The following USP39 variants were observed in gnomAD, a reference collection of about 807,000 sequenced individuals.
USP39 encodes the protein ubiquitin specific peptidase 39.
A neutral mutation model predicts 66.4 loss-of-function variants in USP39; 38 were observed. The ratio of observed to expected loss-of-function variants is 0.57; its 90% confidence interval spans 0.44 to 0.75. The LOEUF (loss-of-function observed/expected upper bound fraction) is 0.75, where lower values mean the gene tolerates loss of function less well. Among genes scored for constraint, USP39 ranks in the 30% least tolerant of loss-of-function variants. USP39 has a pLI of 0.00. For synonymous variants in USP39, 303 were observed against 274.6 expected, an observed-to-expected ratio of 1.10 and a Z score of -1.02; for missense variants, 608 against 714.4, an observed-to-expected ratio of 0.85 and a Z score of 1.70.
chr2:85,637,712 G>A (rs1012781023), intron 8 of USP39, among the ~76,000 whole-genome samples: 7 of 152,118 alleles, frequency 4.6e-5, no homozygotes, highest in African/African-American at 1.7e-4. Flanking sequence ...CTTTCTTTTT[G>A]TTTTTCTTAG....
rs769931462 is a variant in USP39 at position 85,616,260 on chromosome 2, G to T, written c.65G>T (p.Arg22Leu). The change falls in exon 1 of 13, where the codon CGG becomes CTG. Residue 22 changes from arginine to leucine, a missense_variant. Physicochemically the swap from Arg to Leu is moderately radical, Grantham distance 102. Coordinates refer to ENST00000323701, the MANE Select transcript of USP39 (RefSeq NM_006590.4). ...STRGKRESES[R>L]GSSGRVKRER... ...CGCGGGAAGCGAGAGTCTGAGTCGC[G>T]GGGCAGCTCCGGTCGCGTCAAGCGG... The T allele has an allele frequency of 3.3e-6, 5 of 1,514,644 alleles. No individual in the cohort carries two copies. The highest frequency in any genetic ancestry group is 1.8e-4 in the Middle Eastern group (1 of 5,526). 93.8% of individuals were successfully genotyped at this position (1,514,644 alleles called of 1,614,324 possible).
At chr2:85,643,911 C>T (rs1309679328) in intron 10 of USP39, among the ~76,000 whole-genome samples, 2 of 152,078 alleles carry the variant, frequency 1.3e-5, no homozygotes, top group Non-Finnish European at 2.9e-5. Flanking sequence ...CCTCGGCCTC[C>T]CAAAGTGTTG....
At chr2:85,648,707 T>A in intron 12 of USP39, 54 bp from the exon 13 acceptor site, 1 of 1,590,612 alleles carries the variant, frequency 6.3e-7, no homozygotes, top group Non-Finnish European at 8.6e-7. Flanking sequence ...ATTTGATAAG[T>A]GTCTGTTGAC....
intron 6 of USP39, among the ~76,000 whole-genome samples, chr2:85,631,795 C>G (rs552402238): frequency 6.6e-6 from 1 of 152,086 alleles, no homozygotes; most frequent in Non-Finnish European, 1.5e-5. Flanking sequence ...ATTGCCCAGG[C>G]TGGAGTGCAG....
chr2:85,610,086 C>T (rs1673413447), upstream of USP39: 1 of 148,640 alleles, frequency 6.7e-6, no homozygotes. Context: ...TAAATCTCGG[C>T]TCACCGCAAC....
chr2:85,626,077 C>T (rs566021596), intron 5 of USP39, among the ~76,000 whole-genome samples: 33 of 147,754 alleles, frequency 2.2e-4, no homozygotes, highest in South Asian at 1.1e-3. Flanking sequence ...TTACTGCCTT[C>T]GGCCAGGCGC....
intron 4 of USP39, among the ~76,000 whole-genome samples, chr2:85,624,921 C>A (rs1674730721): frequency 6.6e-6 from 1 of 151,172 alleles, no homozygotes; most frequent in Non-Finnish European, 1.5e-5. Flanking sequence ...CAAGATCATG[C>A]CATGGCACTC....
At position 85,623,756 on chromosome 2, in the gene USP39, A is replaced by G. The variant is rs1259192513; in HGVS notation, c.544A>G (p.Ile182Val). 5 of 1,612,972 alleles carry G rather than the reference A, an allele frequency of 3.1e-6. No individual in the cohort carries two copies. The highest frequency in any genetic ancestry group is 1.7e-5 in the Admixed American group (1 of 59,822). The change falls in exon 4 of 13, where the codon ATC becomes GTC. Residue 182 changes from isoleucine (I) to valine (V), a missense_variant. By Grantham distance (29) the Ile-to-Val change is conservative. Transcript: ENST00000323701. ...FYCLPDNYEIIDSSLEDITYV... is the reference protein window; with the variant it reads ...FYCLPDNYEIVDSSLEDITYV... ...CTGCCTTCCAGACAACTATGAGATC[A>G]TCGATTCCTCATTGGAGGATATCAC...
chr2:85,612,410 G>A, upstream of USP39: 1 of 1,500,452 alleles, frequency 6.7e-7, no homozygotes, highest in South Asian at 1.2e-5. Context: ...TTGGCTGACT[G>A]TGTAACGCTG....
In USP39 at chr2:85,636,063, T is replaced by TG; in HGVS notation, c.961dup (p.Asp321GlyfsTer27). On this transcript the variant is annotated frameshift_variant, in exon 7 of 13. Transcript: ENST00000323701. LOFTEE classifies it high-confidence loss of function. ...TTCCTTTTTTTCCAGGAGATGGCGT[T>TG]GACTTTCTGTCTTGGTTTCTGAATG... is the stretch of plus-strand genomic sequence containing the variant. 1 of 1,614,170 alleles carries TG rather than the reference T, an allele frequency of 6.2e-7. No homozygotes were observed. Among genetic ancestry groups the TG allele is most frequent in the Non-Finnish European group, 8.5e-7 (1 of 1,180,020 alleles).
chr2:85,613,485 C>T (rs999480337), upstream of USP39, among the ~76,000 whole-genome samples: 11 of 152,082 alleles, frequency 7.2e-5, no homozygotes, highest in Non-Finnish European at 1.0e-4. Context: ...GCAGTCCAAC[C>T]TCCAAATCAA....
chr2:85,636,943 C>T (rs1429274510), intron 7 of USP39, among the ~76,000 whole-genome samples: 1 of 152,194 alleles, frequency 6.6e-6, no homozygotes, highest in African/African-American at 2.4e-5. Context: ...TGATCCTGTT[C>T]TGGCCCATCT....
chr2:85,637,097 A>C (rs573086439), intron 7 of USP39, among the ~76,000 whole-genome samples: 1 of 152,168 alleles, frequency 6.6e-6, no homozygotes, highest in East Asian at 1.9e-4. Flanking sequence ...CCATTCCTTC[A>C]TTTTGAACAC....
At position 85,623,711 on chromosome 2, in the gene USP39, C is replaced by G; in HGVS notation, c.499C>G (p.Leu167Val). The part of the protein sequence containing the change: ...VQFSHHVFLN[L>V]HTLKFYCLPD... ...GTTTAGCCACCATGTTTTCCTCAACCTCCACACCCTCAAGTTTTACTGCCT... is the reference window on the plus strand; with the variant it reads ...GTTTAGCCACCATGTTTTCCTCAACGTCCACACCCTCAAGTTTTACTGCCT... The change falls in exon 4 of 13, where the codon CTC becomes GTC. Residue 167 changes from leucine (L) to valine (V), a missense_variant. Leu to Val is a conservative substitution (Grantham distance 32). This residue lies in a region of USP39 where 115 missense variants were observed against 198.6 expected (regional missense o/e 0.58). Transcript: ENST00000323701. 6.2e-7 allele frequency: 1 copy of G among 1,613,998 alleles called. No individual in the cohort carries two copies. Among genetic ancestry groups the G allele is most frequent in the South Asian group, 1.1e-5 (1 of 91,030 alleles).
upstream of USP39, among the ~76,000 whole-genome samples, chr2:85,614,042 T>G (rs1192387159): frequency 6.6e-6 from 1 of 151,990 alleles, no homozygotes. Flanking sequence ...GTGCTGGGAT[T>G]ATAAGTGTGA....
chr2:85,611,941 G>GGCTT, upstream of USP39: 2 of 1,583,264 alleles, frequency 1.3e-6, no homozygotes, highest in East Asian at 4.6e-5. Flanking sequence ...CCGCCCCCCA[G>GGCTT]GCTTGCAGCA....
At chr2:85,613,866 C>G (rs966919283), upstream of USP39, among the ~76,000 whole-genome samples, 4 of 152,236 alleles carry the variant, frequency 2.6e-5, no homozygotes, top group African/African-American at 9.6e-5. Flanking sequence ...CAGCCTCCAC[C>G]TCTCAGGCCC....
chr2:85,609,578 C>T (rs1387849461), upstream of USP39: 1 of 1,614,114 alleles, frequency 6.2e-7, no homozygotes, highest in East Asian at 2.2e-5. Flanking sequence ...CGTGGGTGGG[C>T]AGAGACATCT....
intron 11 of USP39, chr2:85,646,097 A>G (rs543285766): frequency 1.3e-5 from 2 of 152,212 alleles, no homozygotes; most frequent in South Asian, 4.1e-4. Flanking sequence ...AGTCCCCTCA[A>G]ACCTACCACA....
Sources: allele counts gnomAD v4.1 joint callset (sites outside exome capture counted in the v4.1 genomes callset), GRCh38; gene constraint gnomAD v4.1.1; regional missense constraint gnomAD v4.1.1; transcripts MANE v1.5; gene names NCBI Gene and HGNC (gene_info 2026-07-23, HGNC 2026-07-21).